The following PDE6D variants were observed in gnomAD, a reference collection of about 807,000 sequenced individuals.
PDE6D encodes the protein phosphodiesterase 6D.
A neutral mutation model predicts 21.9 loss-of-function variants in PDE6D; 10 were observed. The ratio of observed to expected loss-of-function variants is 0.46; its 90% CI spans 0.28 to 0.78. The LOEUF is 0.78. PDE6D is among the 30% of genes least tolerant of loss of function. The pLI, the probability that PDE6D is intolerant of heterozygous loss-of-function variation, is 0.12. For missense variants in PDE6D, 139 were observed against 184.8 expected, an observed-to-expected ratio of 0.75 and a Z score of 1.44; for synonymous variants, 59 against 63.5, an observed-to-expected ratio of 0.93 and a Z score of 0.34.
chr2:231,754,357 CTTTTT>C (rs1032135919), intron 1 of PDE6D, among the ~76,000 whole-genome samples: 1 of 132,666 alleles, frequency 7.5e-6, no homozygotes, highest in Admixed American at 7.9e-5. Flanking sequence ...TGGCTTTTGT[CTTTTT>C]TTTTTTTTTT....
intron 1 of PDE6D, among the ~76,000 whole-genome samples, chr2:231,772,998 G>A (rs2049027134): frequency 6.6e-6 from 1 of 152,174 alleles, no homozygotes; most frequent in African/African-American, 2.4e-5. Context: ...AGCACTTTGG[G>A]AAGCCAAGGT....
At chr2:231,745,930 A>T (rs7564057) in intron 1 of PDE6D, among the ~76,000 whole-genome samples, 5,603 of 152,126 alleles carry the variant, frequency 0.037, 325 homozygotes, top group African/African-American at 0.12. Context: ...ATCAGAAGAG[A>T]TCAGTTAGAT....
At chr2:231,747,050 G>A (rs1219876550) in intron 1 of PDE6D, among the ~76,000 whole-genome samples, 1 of 152,154 alleles carries the variant, frequency 6.6e-6, no homozygotes, top group East Asian at 1.9e-4. Context: ...AATGTTAATT[G>A]GCTGGTTCAT....
intron 1 of PDE6D, among the ~76,000 whole-genome samples, chr2:231,761,214 G>A (rs563661835): frequency 6.0e-5 from 9 of 151,228 alleles, no homozygotes; most frequent in Non-Finnish European, 7.4e-5. Flanking sequence ...TCACTCTGTC[G>A]CCCAGGTTGG....
intron 1 of PDE6D, among the ~76,000 whole-genome samples, chr2:231,763,794 C>T (rs1420706141): frequency 6.6e-6 from 1 of 151,510 alleles, no homozygotes; most frequent in Non-Finnish European, 1.5e-5. Flanking sequence ...TGCCACCATG[C>T]CTGGATAATT....
rs116486670 is a variant in PDE6D, at chr2:231,769,552, A to G, written c.50+11513T>C. The stretch of plus-strand genomic sequence containing the variant: ...CTCACACACACACACAGAGATATGT[A>G]TATATATATATACACATACACACAC... On this transcript the variant is annotated intron_variant, in intron 1 of 4. Coordinates refer to ENST00000287600, the MANE Select transcript of PDE6D (RefSeq NM_002601.4). Among the ~76,000 whole-genome samples, 667 of 151,516 alleles carry G rather than the reference A, an allele frequency of 4.4e-3. 7 individuals are homozygous for G. The highest frequency in any genetic ancestry group is 0.016 in the African/African-American group (646 of 41,354).
In PDE6D at chr2:231,756,291, C is replaced by T. The variant is rs2048881960; in HGVS notation, c.51-17103G>A. Among the ~76,000 whole-genome samples, 5 of 152,240 alleles carry T rather than the reference C, an allele frequency of 3.3e-5. No homozygotes were observed. In the South Asian group the frequency reaches 1.0e-3, roughly 32 times the overall value. ...ATATTCGACTTTGATTACAACATAG[C>T]TTGGCCATCATATACCATTGAAGTT... is the stretch of plus-strand genomic sequence containing the variant. On this transcript the variant is annotated intron_variant, in intron 1 of 4. Coordinates refer to ENST00000287600, the MANE Select transcript of PDE6D (RefSeq NM_002601.4).
chr2:231,754,357 C>CTTT (rs1032135919), intron 1 of PDE6D, among the ~76,000 whole-genome samples: 10 of 132,654 alleles, frequency 7.5e-5, no homozygotes, highest in South Asian at 2.4e-4. Flanking sequence ...TGGCTTTTGT[C>CTTT]TTTTTTTTTT....
chr2:231,737,528 A>G (rs2048711484), intron 3 of PDE6D: 1 of 437,810 alleles, frequency 2.3e-6, no homozygotes, highest in Non-Finnish European at 4.1e-6. Context: ...AGGACCAGCG[A>G]GCAGGACACA....
chr2:231,772,234 A>T (rs1316173318), intron 1 of PDE6D, among the ~76,000 whole-genome samples: 1 of 151,916 alleles, frequency 6.6e-6, no homozygotes, highest in Non-Finnish European at 1.5e-5. Flanking sequence ...TATTGAATGT[A>T]TGCCATGTTT....
chr2:231,772,135 G>T (rs932785511), intron 1 of PDE6D, among the ~76,000 whole-genome samples: 33 of 144,034 alleles, frequency 2.3e-4, no homozygotes, highest in Admixed American at 2.1e-3. Flanking sequence ...TAGAACAGTT[G>T]TTTTTTTTTT....
intron 1 of PDE6D, among the ~76,000 whole-genome samples, chr2:231,753,413 T>C (rs1319931225): frequency 6.6e-6 from 1 of 151,438 alleles, no homozygotes; most frequent in African/African-American, 2.4e-5. Context: ...TAGCTGGGCG[T>C]GGCGGCACGC....
At chr2:231,756,761 A>G (rs1432767597) in intron 1 of PDE6D, among the ~76,000 whole-genome samples, 1 of 151,728 alleles carries the variant, frequency 6.6e-6, no homozygotes, top group Non-Finnish European at 1.5e-5. Context: ...ATTCAAAGAG[A>G]AAGTTTAGAA....
Position 231,737,312 on chromosome 2 carries a change from C to G in PDE6D, c.266-20G>C. ...ACCATTCTGAAGGAAGAAGGAAAAG[C>G]CGGGGTGAGCAGGTGCCCCAGTATA... On this transcript the variant is annotated intron_variant, in intron 3 of 4. Coordinates refer to ENST00000287600, the MANE Select transcript of PDE6D (RefSeq NM_002601.4). The G allele has an allele frequency of 7.1e-7, 1 of 1,399,278 alleles. No individual in the cohort carries two copies. The highest frequency in any genetic ancestry group is 1.4e-5 in the African/African-American group (1 of 70,806). The allele number at this position is 1,399,278 out of a possible 1,614,324, so 86.7% of individuals were successfully genotyped here.
intron 2 of PDE6D, 44 bp from the exon 3 acceptor site, chr2:231,738,182 C>G (rs1177707109): frequency 6.3e-7 from 1 of 1,580,864 alleles, no homozygotes; most frequent in South Asian, 1.2e-5. Flanking sequence ...TAAATGAAAA[C>G]CACAGGACTA....
At chr2:231,753,077 C>T (rs1195439561) in intron 1 of PDE6D, among the ~76,000 whole-genome samples, 3 of 149,526 alleles carry the variant, frequency 2.0e-5, no homozygotes, top group African/African-American at 7.3e-5. Context: ...GTGATCCGCC[C>T]GCCTCGGCCT....
At chr2:231,751,166 CTTTT>C (rs967050752) in intron 1 of PDE6D, among the ~76,000 whole-genome samples, 2 of 142,730 alleles carry the variant, frequency 1.4e-5, no homozygotes, top group Non-Finnish European at 3.1e-5. Context: ...TAGTTTTTTT[CTTTT>C]TTTTGAGACA....
intron 1 of PDE6D, among the ~76,000 whole-genome samples, chr2:231,758,534 A>G (rs2048901664): frequency 6.6e-6 from 1 of 152,176 alleles, no homozygotes; most frequent in South Asian, 2.1e-4. Context: ...TATTAGAATC[A>G]CTTGGGGAAC....
At chr2:231,738,887 T>C (rs1425206092) in intron 2 of PDE6D, among the ~76,000 whole-genome samples, 1 of 124,696 alleles carries the variant, frequency 8.0e-6, no homozygotes, top group Middle Eastern at 6.5e-3. Context: ...CTGCATTCCA[T>C]CCAGCCTGGG....
Sources: allele counts gnomAD v4.1 joint callset (sites outside exome capture counted in the v4.1 genomes callset), GRCh38; gene constraint gnomAD v4.1.1; transcripts MANE v1.5; gene names NCBI Gene and HGNC (gene_info 2026-07-23, HGNC 2026-07-21).